Variants in GULP1 observed in about 807,000 individuals in gnomAD.
GULP1 encodes the protein GULP PTB domain containing engulfment adaptor 1, also known as PTB domain-containing engulfment adapter protein 1.
Under a neutral mutation model 40.9 loss-of-function variants are expected in GULP1, and 19 were observed. That is an observed-to-expected ratio of 0.46 (90% CI 0.32 to 0.68). The LOEUF is 0.68. Among genes scored for constraint, GULP1 ranks in the 30% least tolerant of loss-of-function variants. The probability of loss-of-function intolerance (pLI) is 0.03; values close to 1 mark genes in which losing one functional copy is unlikely to be tolerated. For synonymous variants in GULP1, 119 were observed against 117.6 expected (o/e 1.01, Z -0.08); for missense variants, 312 against 362.2 (o/e 0.86, Z 1.12).
intron 2 of GULP1, among the ~76,000 whole-genome samples, chr2:188,397,313 A>G (rs981150080): frequency 6.6e-6 from 1 of 152,140 alleles, no homozygotes; most frequent in African/African-American, 2.4e-5. Flanking sequence ...CTTCTCTAAA[A>G]TATCATTCCT....
chr2:188,400,157 C>G (rs2052012014), intron 2 of GULP1, among the ~76,000 whole-genome samples: 1 of 152,070 alleles, frequency 6.6e-6, no homozygotes, highest in Non-Finnish European at 1.5e-5. Context: ...TTTCCAGCTT[C>G]TAGTGGCTCC....
intron 6 of GULP1, among the ~76,000 whole-genome samples, chr2:188,538,600 T>TA (rs760095659): frequency 4.7e-4 from 72 of 152,018 alleles, no homozygotes; most frequent in Non-Finnish European, 9.0e-4. Flanking sequence ...GTAGGAAATC[T>TA]AAAAAAGGGA....
chr2:188,498,377 T>C (rs2063104163), intron 4 of GULP1, among the ~76,000 whole-genome samples: 1 of 151,890 alleles, frequency 6.6e-6, no homozygotes, highest in African/African-American at 2.4e-5. Flanking sequence ...TTTTAGATTC[T>C]ATAGAACATC....
chr2:188,345,455 CAG>C (rs143390532), intron 1 of GULP1, among the ~76,000 whole-genome samples: 1,736 of 152,226 alleles, frequency 0.011, 14 homozygotes, highest in Non-Finnish European at 0.02. Context: ...CCCAGGAAGA[CAG>C]GGGAACAATT....
intron 2 of GULP1, 36 bp from the exon 3 acceptor site, chr2:188,477,623 C>T: frequency 9.0e-7 from 1 of 1,110,728 alleles, no homozygotes; most frequent in South Asian, 1.4e-5. Flanking sequence ...GTCAACAGTC[C>T]TTTGTTTATG....
At chr2:188,321,066 G>A (rs1171803198) in intron 1 of GULP1, among the ~76,000 whole-genome samples, 1 of 151,956 alleles carries the variant, frequency 6.6e-6, no homozygotes. Context: ...ATTTCCTGTT[G>A]ACTTTAAAAG....
At chr2:188,393,864 C>G (rs2050859857) in intron 2 of GULP1, among the ~76,000 whole-genome samples, 1 of 152,150 alleles carries the variant, frequency 6.6e-6, no homozygotes, top group African/African-American at 2.4e-5. Flanking sequence ...TCCCTCCTGC[C>G]TGGTAAGGTT....
chr2:188,368,933 A>ATATT, intron 1 of GULP1, among the ~76,000 whole-genome samples: 1 of 43,354 alleles, frequency 2.3e-5, no homozygotes, highest in Non-Finnish European at 3.8e-5. Context: ...GTATATATAT[A>ATATT]TGTGTGTATA....
chr2:188,396,914 C>A (rs2051357020), intron 2 of GULP1, among the ~76,000 whole-genome samples: 1 of 152,164 alleles, frequency 6.6e-6, no homozygotes, highest in Non-Finnish European at 1.5e-5. Flanking sequence ...TTTATATTGC[C>A]CACGGCTCCC....
chr2:188,461,568 G>A (rs1409885367), intron 2 of GULP1, among the ~76,000 whole-genome samples: 1 of 151,960 alleles, frequency 6.6e-6, no homozygotes, highest in Non-Finnish European at 1.5e-5. Context: ...GCCTCCCAAA[G>A]TGCTGGGATT....
At chr2:188,451,868 A>G (rs1189905430) in intron 2 of GULP1, among the ~76,000 whole-genome samples, 1 of 152,186 alleles carries the variant, frequency 6.6e-6, no homozygotes, top group Non-Finnish European at 1.5e-5. Context: ...TCTGTCATTA[A>G]TATATAGTAA....
intron 2 of GULP1, among the ~76,000 whole-genome samples, chr2:188,465,143 G>A (rs1559272227): frequency 6.6e-6 from 1 of 152,066 alleles, no homozygotes; most frequent in Non-Finnish European, 1.5e-5. Flanking sequence ...GTAAGTCTCA[G>A]AGTCTCACTC....
chr2:188,557,861 C>T (rs977236882), intron 7 of GULP1, among the ~76,000 whole-genome samples: 1 of 152,314 alleles, frequency 6.6e-6, no homozygotes, highest in African/African-American at 2.4e-5. Context: ...AAGCAGTGAC[C>T]TGTGCTGTAC....
At chr2:188,333,244 T>TAA (rs750888192) in intron 1 of GULP1, among the ~76,000 whole-genome samples, 1 of 136,936 alleles carries the variant, frequency 7.3e-6, no homozygotes. Flanking sequence ...AGACCTTGTC[T>TAA]AAAAAAAAAA....
rs2057832347 is a variant in GULP1 at position 188,440,624 on chromosome 2, G to A, written c.-44-37035G>A. On this transcript the variant is annotated intron_variant, in intron 2 of 11. Coordinates refer to ENST00000409830, the MANE Select transcript of GULP1 (RefSeq NM_016315.4). ...TTGTCACCCAGGCTGGAGTGCAGTG[G>A]CACTATCTCGGCTCACTGCAACCTT... 2.0e-5 allele frequency among the ~76,000 whole-genome samples: 3 copies of A among 152,178 alleles called. No individual in the cohort carries two copies. The South Asian group carries it at 6.2e-4, about 32-fold the overall frequency.
intron 3 of GULP1, among the ~76,000 whole-genome samples, chr2:188,482,225 T>A (rs1450573138): frequency 6.6e-6 from 1 of 151,958 alleles, no homozygotes; most frequent in East Asian, 1.9e-4. Context: ...TCAAATAGTA[T>A]AAAATAATTT....
At chr2:188,527,036 T>C (rs55663622) in intron 5 of GULP1, among the ~76,000 whole-genome samples, 135,508 of 152,138 alleles carry the variant, frequency 0.89, 61,570 homozygotes, top group South Asian at 0.99. Flanking sequence ...CTTTATCTCA[T>C]TCTGTCCTTC....
At chr2:188,574,722 A>G (rs1699821411) in intron 9 of GULP1, among the ~76,000 whole-genome samples, 1 of 152,222 alleles carries the variant, frequency 6.6e-6, no homozygotes, top group East Asian at 1.9e-4. Flanking sequence ...CATCTTCTCT[A>G]ACAAGAGGTC....
At chr2:188,353,303 G>A (rs992769522) in intron 1 of GULP1, among the ~76,000 whole-genome samples, 7 of 152,060 alleles carry the variant, frequency 4.6e-5, no homozygotes, top group African/African-American at 1.2e-4. Context: ...GTACTAACTC[G>A]TTTATCCTCA....
Sources: gnomAD v4.1 joint callset for allele counts (sites outside exome capture counted in the v4.1 genomes callset) on GRCh38, gnomAD v4.1.1 for gene constraint, MANE v1.5 for transcripts, NCBI Gene and HGNC (gene_info 2026-07-23, HGNC 2026-07-21) for gene names.